CENPP: variants seen among roughly 807,000 people sequenced by gnomAD.
CENPP encodes the protein centromere protein P.
CENPP carries 24 observed loss-of-function variants against 35.6 expected under a neutral mutation model. The observed-to-expected ratio is 0.67, with a 90% CI of 0.49 to 0.95. The LOEUF (loss-of-function observed/expected upper bound fraction) is 0.95, where lower values mean the gene tolerates loss of function less well. Among genes scored for constraint, CENPP ranks in the 40% least tolerant of loss-of-function variants. The pLI is 0.00. For synonymous variants in CENPP, 120 were observed against 125.5 expected (o/e 0.96, Z 0.29); for missense variants, 332 against 345.3 (o/e 0.96, Z 0.31).
chr9:92,540,253 A>T (rs551095609), intron 5 of CENPP, among the ~76,000 whole-genome samples: 5 of 152,148 alleles, frequency 3.3e-5, no homozygotes, highest in Non-Finnish European at 2.9e-5. Context: ...CCTGGCTAAC[A>T]TGATGAAACC....
chr9:92,389,669 G>C, intron 5 of CENPP: 1 of 476,528 alleles, frequency 2.1e-6, no homozygotes. Context: ...TTTTAACTGA[G>C]ATATGGGTAT....
chr9:92,464,146 C>T (rs1845217744), intron 5 of CENPP, among the ~76,000 whole-genome samples: 1 of 152,104 alleles, frequency 6.6e-6, no homozygotes, highest in Non-Finnish European at 1.5e-5. Context: ...GAGCATGTGC[C>T]CTTGTTGGGA....
intron 5 of CENPP, among the ~76,000 whole-genome samples, chr9:92,546,148 C>T (rs1849438915): frequency 1.3e-5 from 2 of 152,248 alleles, no homozygotes; most frequent in Admixed American, 6.5e-5. Flanking sequence ...ACTTGGAGAA[C>T]TTCTGTGTCT....
chr9:92,609,316 C>T (rs1410050962), intron 5 of CENPP, among the ~76,000 whole-genome samples: 2 of 152,262 alleles, frequency 1.3e-5, no homozygotes, highest in Admixed American at 1.3e-4. Flanking sequence ...CCTTTAAAAG[C>T]TTTGTCATGC....
intron 5 of CENPP, among the ~76,000 whole-genome samples, chr9:92,413,544 G>A (rs2130952156): frequency 6.6e-6 from 1 of 152,150 alleles, no homozygotes; most frequent in East Asian, 1.9e-4. Context: ...AACACCTATA[G>A]TATTTTCCAC....
rs769741469 is a variant in CENPP at position 92,612,612 on chromosome 9, G to A, written c.734G>A (p.Arg245Gln). The part of the protein sequence containing the change: ...KLDLLTKVPQ[R>Q]ALELDKNRAI... ...GATCTTCTCACCAAAGTCCCACAGC[G>A]AGGTAGGGCCCTGGGTGTGGCTGCT... is the stretch of plus-strand genomic sequence containing the variant. Residue 245 changes from arginine (R) to glutamine (Q), a missense_variant and splice_region_variant, in exon 7 of 8, where the codon CGA becomes CAA. Physicochemically the swap from Arg to Gln is conservative, Grantham distance 43. Transcript: ENST00000375587. The A allele has an allele frequency of 2.5e-5, 40 of 1,612,444 alleles. No individual in the cohort carries two copies. The highest frequency in any genetic ancestry group is 7.7e-5 in the South Asian group (7 of 91,048).
chr9:92,456,517 A>G (rs1197996072), intron 5 of CENPP: 7 of 152,584 alleles, frequency 4.6e-5, no homozygotes, highest in African/African-American at 1.4e-4. Flanking sequence ...TAGCCTAACA[A>G]TTTTCATGCT....
chr9:92,326,760 G>A (rs1481634651), intron 1 of CENPP, among the ~76,000 whole-genome samples: 1 of 152,048 alleles, frequency 6.6e-6, no homozygotes, highest in Non-Finnish European at 1.5e-5. Context: ...TGAAGGAGAG[G>A]GAGAGAAAAG....
In CENPP at chr9:92,462,332, C is replaced by T. The variant is rs367609513; in HGVS notation, c.564+82473C>T. 2.6e-4 allele frequency among the ~76,000 whole-genome samples: 39 copies of T among 152,200 alleles called. No individual in the cohort carries two copies. In the South Asian group the frequency reaches 3.9e-3, roughly 15 times the overall value. On this transcript the variant is annotated intron_variant, in intron 5 of 7. Coordinates refer to ENST00000375587, the MANE Select transcript of CENPP (RefSeq NM_001012267.3). ...GTAAGCTAAGTGTATCTGTAGTACC[C>T]CCGCACATGGCAGGTGCCCAGTGAA...
chr9:92,455,125 A>G (rs1036367811), intron 5 of CENPP, among the ~76,000 whole-genome samples: 5 of 152,200 alleles, frequency 3.3e-5, no homozygotes, highest in Non-Finnish European at 5.9e-5. Context: ...GGCTGGATGC[A>G]GTGGCTCATG....
At chr9:92,334,178 T>G (rs1428239576) in intron 2 of CENPP, among the ~76,000 whole-genome samples, 1 of 148,206 alleles carries the variant, frequency 6.7e-6, no homozygotes, top group Admixed American at 6.8e-5. Context: ...TGGAGTGCAG[T>G]GGTACAATCT....
chr9:92,466,212 A>G (rs1845305625), intron 5 of CENPP: 4 of 619,746 alleles, frequency 6.5e-6, no homozygotes, highest in Non-Finnish European at 8.4e-6. Flanking sequence ...TTTGTTGGAC[A>G]TTTTAATTGG....
intron 5 of CENPP, chr9:92,500,885 G>T: frequency 6.2e-7 from 1 of 1,614,152 alleles, no homozygotes; most frequent in Non-Finnish European, 8.5e-7. Context: ...CAGCAAGTTT[G>T]TTAAATGACA....
rs1851427967 is a variant in CENPP at position 92,616,212 on chromosome 9, G to A, written c.*3063G>A. 4 of 598,144 alleles carry A rather than the reference G, an allele frequency of 6.7e-6. No individual in the cohort carries two copies. The highest frequency in any genetic ancestry group is 6.0e-5 in the South Asian group (3 of 50,286). The allele number at this position is 598,144 out of a possible 1,614,324, so 37.1% of individuals were successfully genotyped here. A position where few individuals can be genotyped will look rare whatever the true frequency, so the allele number is the denominator to read the frequency against. ...TAAATCAATCTCTTTTAAAAGAGAAGTGAATGGCCTCACACCCCAGCTCAC... is the reference window on the plus strand; with the variant it reads ...TAAATCAATCTCTTTTAAAAGAGAAATGAATGGCCTCACACCCCAGCTCAC... On this transcript the variant is annotated 3_prime_UTR_variant, in exon 8 of 8. Transcript: ENST00000375587.
intron 5 of CENPP, among the ~76,000 whole-genome samples, chr9:92,437,902 G>A (rs915767017): frequency 3.3e-5 from 5 of 151,874 alleles, no homozygotes; most frequent in African/African-American, 1.2e-4. Context: ...TCCCACCTCA[G>A]CCTCCAGTGA....
intron 5 of CENPP, among the ~76,000 whole-genome samples, chr9:92,532,864 T>C (rs573809823): frequency 3.8e-4 from 58 of 152,308 alleles, no homozygotes; most frequent in Non-Finnish European, 6.2e-4. Context: ...TCTCTTCATA[T>C]ACCTGATGAC....
At chr9:92,499,010 G>C (rs1168339398) in intron 5 of CENPP, among the ~76,000 whole-genome samples, 2 of 152,110 alleles carry the variant, frequency 1.3e-5, no homozygotes, top group Non-Finnish European at 2.9e-5. Flanking sequence ...TCCCACTTGG[G>C]GCTTCTCAAT....
intron 5 of CENPP, among the ~76,000 whole-genome samples, chr9:92,449,925 G>A (rs998152653): frequency 6.6e-6 from 1 of 152,064 alleles, no homozygotes; most frequent in Non-Finnish European, 1.5e-5. Context: ...TTTCTTTATA[G>A]CAGTGTGAGA....
At chr9:92,577,904 T>C in intron 5 of CENPP, among the ~76,000 whole-genome samples, 1 of 150,794 alleles carries the variant, frequency 6.6e-6, no homozygotes, top group African/African-American at 2.4e-5. Flanking sequence ...ACCCACTAAC[T>C]CATCATCTAC....
Sources: gnomAD v4.1 joint callset for allele counts (sites outside exome capture counted in the v4.1 genomes callset) on GRCh38, gnomAD v4.1.1 for gene constraint, MANE v1.5 for transcripts, NCBI Gene and HGNC (gene_info 2026-07-23, HGNC 2026-07-21) for gene names.